GPHN: variants seen among roughly 807,000 people sequenced by gnomAD.
The protein encoded by GPHN is gephyrin.
Under a neutral mutation model 95.5 loss-of-function variants are expected in GPHN, and 17 were observed. The ratio of observed to expected loss-of-function variants is 0.18; its 90% CI spans 0.12 to 0.27. GPHN has a LOEUF of 0.27. Among genes scored for constraint, GPHN ranks in the 10% least tolerant of loss-of-function variants. The pLI is 1.00. For synonymous variants in GPHN, 320 were observed against 322.5 expected (o/e 0.99, Z 0.08); for missense variants, 660 against 978.1 (o/e 0.67, Z 4.34).
the GPHN span, among the ~76,000 whole-genome samples, chr14:67,373,765 A>G: frequency 6.6e-6 from 1 of 152,146 alleles, no homozygotes; most frequent in African/African-American, 2.4e-5. Flanking sequence ...GTGAGGGTTC[A>G]AGAAGATGTT....
chr14:67,401,547 G>C, the GPHN span, among the ~76,000 whole-genome samples: 1 of 151,954 alleles, frequency 6.6e-6, no homozygotes, highest in Non-Finnish European at 1.5e-5. Flanking sequence ...AAAAGAAGAG[G>C]AGATTTGGAC....
At chr14:67,220,045 A>G in the GPHN span, among the ~76,000 whole-genome samples, 2 of 152,206 alleles carry the variant, frequency 1.3e-5, no homozygotes, top group Non-Finnish European at 2.9e-5. Context: ...GGATTTAGTA[A>G]TGCTAGTGAG....
At chr14:67,200,138 C>A in the GPHN span, 1 of 1,117,828 alleles carries the variant, frequency 8.9e-7, no homozygotes, top group Non-Finnish European at 1.3e-6. Flanking sequence ...CCATTCTGAT[C>A]TCCCATGGGT....
At chr14:66,983,071 G>T (rs879848663) in intron 9 of GPHN, among the ~76,000 whole-genome samples, 6 of 152,132 alleles carry the variant, frequency 3.9e-5, no homozygotes, top group Non-Finnish European at 8.8e-5. Context: ...GGCCAACATG[G>T]TGAAACCCTG....
the GPHN span, chr14:67,562,857 AGCCACCTACACCCCC>A: frequency 6.2e-7 from 1 of 1,613,492 alleles, no homozygotes; most frequent in East Asian, 2.2e-5. Flanking sequence ...CTGGGTAACA[AGCCACCTACACCCCC>A]GCTGCACCAG....
At chr14:67,253,681 CA>C in the GPHN span, among the ~76,000 whole-genome samples, 1 of 151,906 alleles carries the variant, frequency 6.6e-6, no homozygotes, top group Non-Finnish European at 1.5e-5. Flanking sequence ...CCTGTACCTA[CA>C]AAAAATACAA....
At chr14:67,556,506 GGGGTTTAAGCAGT>G in the GPHN span, among the ~76,000 whole-genome samples, 2 of 152,014 alleles carry the variant, frequency 1.3e-5, no homozygotes, top group African/African-American at 2.4e-5. Flanking sequence ...TTGAACTCCT[GGGGTTTAAGCAGT>G]CCTCCTGCCT....
At chr14:66,512,694 CAGGT>C (rs2058085819) in intron 1 of GPHN, among the ~76,000 whole-genome samples, 2 of 151,482 alleles carry the variant, frequency 1.3e-5, no homozygotes, top group South Asian at 2.1e-4. Flanking sequence ...ATTACAGTAA[CAGGT>C]AGGGAGTATT....
At chr14:66,998,592 T>G (rs927971657) in intron 9 of GPHN, among the ~76,000 whole-genome samples, 1 of 152,158 alleles carries the variant, frequency 6.6e-6, no homozygotes, top group Non-Finnish European at 1.5e-5. Context: ...AGCATCACTA[T>G]GGAGGTAGCC....
chr14:67,017,162 C>T (rs2073360466), intron 9 of GPHN, among the ~76,000 whole-genome samples: 1 of 152,044 alleles, frequency 6.6e-6, no homozygotes, highest in Non-Finnish European at 1.5e-5. Flanking sequence ...TGAATATGTG[C>T]TGTGATATCA....
At chr14:67,228,814 T>A in the GPHN span, among the ~76,000 whole-genome samples, 1 of 152,212 alleles carries the variant, frequency 6.6e-6, no homozygotes, top group Admixed American at 6.5e-5. Flanking sequence ...AGGGACTGTG[T>A]TCATTTCATC....
At chr14:66,943,912 A>AT (rs767870867) in intron 8 of GPHN, among the ~76,000 whole-genome samples, 1 of 152,176 alleles carries the variant, frequency 6.6e-6, no homozygotes, top group Non-Finnish European at 1.5e-5. Flanking sequence ...GCAAAAACAG[A>AT]TTTTCAGAGG....
At chr14:66,909,205 A>C (rs1433133412) in intron 5 of GPHN, among the ~76,000 whole-genome samples, 1 of 152,118 alleles carries the variant, frequency 6.6e-6, no homozygotes, top group Non-Finnish European at 1.5e-5. Context: ...TTAAAAATGA[A>C]GTCAATTTAA....
At chr14:66,802,139 G>A (rs903685122) in intron 3 of GPHN, among the ~76,000 whole-genome samples, 2 of 152,188 alleles carry the variant, frequency 1.3e-5, no homozygotes, top group African/African-American at 2.4e-5. Context: ...TCCACCTAGT[G>A]TTCTCTTGTA....
the GPHN span, among the ~76,000 whole-genome samples, chr14:67,255,275 A>T: frequency 2.0e-3 from 310 of 152,366 alleles, no homozygotes; most frequent in African/African-American, 7.0e-3. Flanking sequence ...CATTGAGAGC[A>T]AAGCAATAGC....
At chr14:67,504,123 C>T in the GPHN span, among the ~76,000 whole-genome samples, 187 of 152,272 alleles carry the variant, frequency 1.2e-3, 1 homozygote, top group Non-Finnish European at 1.9e-3. Flanking sequence ...AAGCGATTCT[C>T]CTGCCTCAAC....
At chr14:67,574,945 T>C in the GPHN span, among the ~76,000 whole-genome samples, 1 of 152,208 alleles carries the variant, frequency 6.6e-6, no homozygotes, top group Non-Finnish European at 1.5e-5. This position sits in a 1 kb window ranked among gnomAD's most constrained non-coding sequence, Gnocchi z 4.2. Context: ...GCTGGCAGGC[T>C]CGCTGTGTGG....
chr14:67,036,381 T>C (rs991545568), intron 10 of GPHN, among the ~76,000 whole-genome samples: 2 of 151,144 alleles, frequency 1.3e-5, no homozygotes, highest in African/African-American at 4.9e-5. Flanking sequence ...TCAAAGCAGC[T>C]AGGCAATGAA....
chr14:66,632,856 A>G (rs949194112), intron 1 of GPHN, among the ~76,000 whole-genome samples: 3 of 152,088 alleles, frequency 2.0e-5, no homozygotes, highest in African/African-American at 7.2e-5. Context: ...TTGTTATGCC[A>G]TGTATCTGCT....
Sources: allele counts gnomAD v4.1 joint callset (sites outside exome capture counted in the v4.1 genomes callset), GRCh38; gene constraint gnomAD v4.1.1; non-coding constraint Gnocchi (gnomAD v3.1); transcripts MANE v1.5; gene names NCBI Gene and HGNC (gene_info 2026-07-23, HGNC 2026-07-21).